The following ZNF711 variants were observed in gnomAD, a reference collection of about 807,000 sequenced individuals.
ZNF711 encodes the protein ZFX family zinc finger ZNF711.
ZNF711 carries 3 observed loss-of-function variants against 43.5 expected under a neutral mutation model. The observed-to-expected ratio is 0.07, with a 90% CI of 0.03 to 0.18. The LOEUF (loss-of-function observed/expected upper bound fraction) is 0.18, where lower values mean the gene tolerates loss of function less well. Ranked by LOEUF, ZNF711 falls within the 10% of genes least tolerant of loss-of-function variation. The probability of loss-of-function intolerance (pLI) is 1.00; values close to 1 mark genes in which losing one functional copy is unlikely to be tolerated. For synonymous variants in ZNF711, 209 were observed against 207.7 expected (o/e 1.01, Z -0.06); for missense variants, 412 against 604.0 (o/e 0.68, Z 3.33).
At position 85,271,383 on chromosome X, in the gene ZNF711, C is replaced by T; in HGVS notation, c.1979C>T (p.Thr660Ile). The change falls in exon 11 of 11, where the codon ACT becomes ATT. Residue 660 changes from threonine to isoleucine, a missense_variant. This residue lies in a region of ZNF711 where 375 missense variants were observed against 514.2 expected (regional missense o/e 0.73). Transcript: ENST00000674551. ...AAGCGGCACATCATATCTGTCCATA[C>T]TAAGGATTTTCCTCACAAATGTGAG... ...DLKRHIISVHTKDFPHKCEVC... is the reference protein window; with the variant it reads ...DLKRHIISVHIKDFPHKCEVC... 1 of 1,210,841 alleles carries T rather than the reference C, an allele frequency of 8.3e-7. No homozygotes were observed. The highest frequency in any genetic ancestry group is 1.1e-6 in the Non-Finnish European group (1 of 895,100).
At chrX:85,253,764 GACACAC>G (rs756155292) in intron 4 of ZNF711, among the ~76,000 whole-genome samples, 46 of 90,524 alleles carry the variant, frequency 5.1e-4, no homozygotes, top group African/African-American at 8.1e-4. Context: ...TGTGTTCACA[GACACAC>G]ACACACACAC....
At chrX:85,245,744 A>G (rs1928984457) in intron 1 of ZNF711, among the ~76,000 whole-genome samples, 159 bp from the exon 2 acceptor site, 1 of 112,238 alleles carries the variant, frequency 8.9e-6, no homozygotes, top group Non-Finnish European at 1.9e-5. Flanking sequence ...TTTTGTTGGA[A>G]TCCGTTGGGT....
At position 85,270,839 on chromosome X, in the gene ZNF711, T is replaced by A. The variant is rs780164828; in HGVS notation, c.1435T>A (p.Leu479Ile). Residue 479 changes from leucine (L) to isoleucine (I), a missense_variant, in exon 11 of 11, where the codon TTA becomes ATA. Physicochemically the swap from Leu to Ile is conservative, Grantham distance 5. Coordinates refer to ENST00000674551, the MANE Select transcript of ZNF711 (RefSeq NM_001330574.2). ...TNKKVSFHNHLESHKLINKVD... is the reference protein window; with the variant it reads ...TNKKVSFHNHIESHKLINKVD... ...CAAGAAAGTGAGTTTCCATAACCAC[T>A]TAGAAAGCCATAAGCTCATAAACAA... is the stretch of plus-strand genomic sequence containing the variant. 6 of 1,205,495 alleles carry A rather than the reference T, an allele frequency of 5.0e-6. No individual in the cohort carries two copies. The Admixed American group carries it at 1.3e-4, about 27-fold the overall frequency.
At chrX:85,269,637 G>C (rs1000807306) in intron 9 of ZNF711, among the ~76,000 whole-genome samples, 5 of 110,742 alleles carry the variant, frequency 4.5e-5, no homozygotes, top group African/African-American at 1.6e-4. Flanking sequence ...GCCTCCCAAA[G>C]TGCTGGGATT....
rs1278315502 is a variant in ZNF711 at position 85,272,572 on chromosome X, T to C, written c.*744T>C. 1 of 112,110 alleles carries C rather than the reference T, an allele frequency of 8.9e-6. No homozygotes were observed. The highest frequency in any genetic ancestry group is 1.9e-5 in the Non-Finnish European group (1 of 53,057). 9.2% of individuals were successfully genotyped at this position (112,110 alleles called of 1,213,427 possible). A position where few individuals can be genotyped will look rare whatever the true frequency, so the allele number is the denominator to read the frequency against. On this transcript the variant is annotated 3_prime_UTR_variant, in exon 11 of 11. Coordinates refer to ENST00000674551, the MANE Select transcript of ZNF711 (RefSeq NM_001330574.2). ...TATATTTGAGTCAAATGTGGCTTTC[T>C]AAAATGGATGCAACATTAGCGTTGC...
intron 10 of ZNF711, 33 bp downstream of exon 10, chrX:85,270,179 T>C: frequency 8.4e-7 from 1 of 1,183,593 alleles, no homozygotes; most frequent in African/African-American, 1.8e-5. Context: ...ATTATAATTA[T>C]TTGAGATGTG....
At chrX:85,248,173 T>TAAAAA (rs1441888522) in intron 4 of ZNF711, among the ~76,000 whole-genome samples, 13,016 of 99,068 alleles carry the variant, frequency 0.13, 721 homozygotes, top group South Asian at 0.16. Flanking sequence ...TTTTTTTTTT[T>TAAAAA]AAAAAAAAAA....
At position 85,250,357 on chromosome X, in the gene ZNF711, T is replaced by C. The variant is rs758068512; in HGVS notation, c.79+2706T>C. 1.4e-4 allele frequency among the ~76,000 whole-genome samples: 16 copies of C among 111,839 alleles called. No individual in the cohort carries two copies. In the East Asian group the frequency reaches 4.5e-3, roughly 31 times the overall value. ...CATAAATATGTAGAAAGTAAGATTT[T>C]CGTTCACTATCCCCTCCCTTTTTAG... On this transcript the variant is annotated intron_variant, in intron 4 of 10. Coordinates refer to ENST00000674551, the MANE Select transcript of ZNF711 (RefSeq NM_001330574.2).
intron 5 of ZNF711, 104 bp downstream of exon 5, chrX:85,255,905 CTT>C: frequency 2.5e-6 from 2 of 805,838 alleles, no homozygotes; most frequent in South Asian, 2.8e-5. Context: ...ATAGGGGAAT[CTT>C]TTTGAAAAAT....
At chrX:85,254,855 A>G (rs930724136) in intron 4 of ZNF711, among the ~76,000 whole-genome samples, 10 of 110,099 alleles carry the variant, frequency 9.1e-5, no homozygotes, top group Non-Finnish European at 1.9e-4. Flanking sequence ...ACTATTTTCG[A>G]GAGTGGCTGC....
At position 85,255,736 on chromosome X, in the gene ZNF711, T is replaced by C. The variant is rs1190022222; in HGVS notation, c.557T>C (p.Ile186Thr). Residue 186 changes from isoleucine (I) to threonine (T), a missense_variant, in exon 5 of 11, where the codon ATA becomes ACA. Around this residue, in one of 4 missense-constraint regions of ZNF711, gnomAD observed 375 missense variants for 514.2 expected, o/e 0.73. Transcript: ENST00000674551. ...GGTGTTCCTGGTTCTACAGTTACTA[T>C]AAAAACCGAAGATGATGATGATGAT... is the stretch of plus-strand genomic sequence containing the variant. The part of the protein sequence containing the change: ...AGGVPGSTVT[I>T]KTEDDDDDDV... 1.7e-6 allele frequency: 2 copies of C among 1,210,914 alleles called. No individual in the cohort carries two copies. The highest frequency in any genetic ancestry group is 2.2e-6 in the Non-Finnish European group (2 of 895,297).
chrX:85,257,632 C>T (rs1930284876), intron 5 of ZNF711, among the ~76,000 whole-genome samples: 1 of 112,420 alleles, frequency 8.9e-6, no homozygotes, highest in Non-Finnish European at 1.9e-5. Flanking sequence ...GTGATGAACA[C>T]ACAACTGTGT....
At chrX:85,244,569 C>T (rs1001146716) in intron 1 of ZNF711, among the ~76,000 whole-genome samples, 3 of 111,291 alleles carry the variant, frequency 2.7e-5, no homozygotes, top group African/African-American at 9.8e-5. Context: ...GCTCTCCCTC[C>T]ACCCCATATT....
At chrX:85,259,092 A>G (rs768438152) in intron 5 of ZNF711, among the ~76,000 whole-genome samples, 16 of 111,156 alleles carry the variant, frequency 1.4e-4, no homozygotes, top group Non-Finnish European at 2.1e-4. Context: ...ATGGTGAAAC[A>G]TAGGGGTCCA....
At chrX:85,246,645 T>C (rs1828018331) in intron 2 of ZNF711, among the ~76,000 whole-genome samples, 1 of 112,154 alleles carries the variant, frequency 8.9e-6, no homozygotes, top group African/African-American at 3.2e-5. Context: ...TTGATTTACT[T>C]AGAATCTTAT....
rs758475553 is a variant in ZNF711, at chrX:85,244,123, A to AGGCGGCGGCGGC, written c.-461_-450dup. ...GGTCACAGTCCGACTGGCGGCACGG[A>AGGCGGCGGCGGC]GGCGGCGGCGGCGGCGGCGGCGGCA... On this transcript the variant is annotated 5_prime_UTR_variant, in exon 1 of 11. Coordinates refer to ENST00000674551, the MANE Select transcript of ZNF711 (RefSeq NM_001330574.2). 2.5e-4 allele frequency: 37 copies of AGGCGGCGGCGGC among 147,320 alleles called. No individual in the cohort carries two copies. The highest frequency in any genetic ancestry group is 7.1e-4 in the East Asian group (4 of 5,606). The allele number at this position is 147,320 out of a possible 1,213,427, so 12.1% of individuals were successfully genotyped here.
At chrX:85,256,911 A>G (rs775102403) in intron 5 of ZNF711, among the ~76,000 whole-genome samples, 8 of 111,464 alleles carry the variant, frequency 7.2e-5, no homozygotes, top group Middle Eastern at 4.7e-3. Context: ...GGCATTTTTT[A>G]AAAGATCTAT....
intron 4 of ZNF711, among the ~76,000 whole-genome samples, chrX:85,252,301 C>T (rs919727238): frequency 1.8e-5 from 2 of 111,125 alleles, no homozygotes; most frequent in African/African-American, 3.3e-5. Context: ...TTGTAAGTTC[C>T]TGCTAGAGGC....
In ZNF711 at chrX:85,271,021, G is replaced by C; in HGVS notation, c.1617G>C (p.Arg539Ser). ...CTGCAGAACAAGGACTGTTAAACAG[G>C]CATTTGTTGGCCGTTCACAGCAAGA... ...YETAEQGLLN[R>S]HLLAVHSKNF... The change falls in exon 11 of 11, where the codon AGG (arginine) becomes AGC (serine). Residue 539 changes from arginine to serine, a missense_variant. Physicochemically the swap from Arg to Ser is moderately radical, Grantham distance 110 (BLOSUM62 -1). This residue lies in a region of ZNF711 where 375 missense variants were observed against 514.2 expected (regional missense o/e 0.73). Coordinates refer to ENST00000674551, the MANE Select transcript of ZNF711 (RefSeq NM_001330574.2). 8.3e-7 allele frequency: 1 copy of C among 1,210,968 alleles called. No individual in the cohort carries two copies. The highest frequency in any genetic ancestry group is 1.1e-6 in the Non-Finnish European group (1 of 895,182).
Sources: allele counts gnomAD v4.1 joint callset (sites outside exome capture counted in the v4.1 genomes callset), GRCh38; gene constraint gnomAD v4.1.1; regional missense constraint gnomAD v4.1.1; transcripts MANE v1.5; gene names NCBI Gene and HGNC (gene_info 2026-07-23, HGNC 2026-07-21).